C22orf31: variants seen among roughly 807,000 people sequenced by gnomAD.
C22orf31 encodes chromosome 22 open reading frame 31.
A neutral mutation model predicts 15.0 loss-of-function variants in C22orf31; 11 were observed. The ratio of observed to expected loss-of-function variants is 0.73; its 90% CI spans 0.46 to 1.21. The LOEUF (loss-of-function observed/expected upper bound fraction) is 1.21, where lower values mean the gene tolerates loss of function less well. C22orf31 is among the 50% of genes most tolerant of loss of function. The pLI, the probability that C22orf31 is intolerant of heterozygous loss-of-function variation, is 0.00. For missense variants in C22orf31, 340 were observed against 347.2 expected, an observed-to-expected ratio of 0.98 and a Z score of 0.17; for synonymous variants, 132 against 133.3, an observed-to-expected ratio of 0.99 and a Z score of 0.07.
chr22:29,060,386 C>G, intron 2 of C22orf31, 29 bp downstream of exon 2: 1 of 1,585,002 alleles, frequency 6.3e-7, no homozygotes. Context: ...TCGCCAGTCA[C>G]ATTTTCCCCA....
chr22:29,059,138 A>G lies in C22orf31; in HGVS notation c.477T>C (p.Asp159=). Residue 159 remains aspartate (D), a synonymous_variant, in exon 3 of 3, where the codon GAT becomes GAC. Transcript: ENST00000216071. ...SKEKKLTVRQ[D]LEDRYAEHVA... is the part of the protein sequence containing the mutation. ...CATGTTCAGCATATCTGTCCTCAAG[A>G]TCTTGGCGGACTGTTAGTTTTTTCT... 1 of 1,612,870 alleles carries G rather than the reference A, an allele frequency of 6.2e-7. No homozygotes were observed. Among genetic ancestry groups the G allele is most frequent in the South Asian group, 1.1e-5 (1 of 90,854 alleles).
the C22orf31 span, among the ~76,000 whole-genome samples, chr22:29,068,468 T>C: frequency 1.3e-5 from 2 of 148,664 alleles, no homozygotes; most frequent in Admixed American, 1.4e-4. Flanking sequence ...TGGAGTGCAG[T>C]AGTGTGATCT....
the C22orf31 span, among the ~76,000 whole-genome samples, chr22:29,071,051 C>T: frequency 6.6e-6 from 1 of 151,650 alleles, no homozygotes; most frequent in Non-Finnish European, 1.5e-5. Flanking sequence ...TGGGAGGGCA[C>T]AGAAGTCCTG....
intron 2 of C22orf31, chr22:29,059,580 T>C (rs147529572): frequency 4.0e-6 from 2 of 495,522 alleles, no homozygotes; most frequent in South Asian, 1.8e-4. Flanking sequence ...TTTAATATGA[T>C]AATATCAAGG....
Position 29,060,419 on chromosome 22 carries a change from C to G in C22orf31, c.428G>C (p.Arg143Thr), listed in dbSNP as rs199924261. 1.2e-6 allele frequency: 2 copies of G among 1,610,910 alleles called. No individual in the cohort carries two copies. The highest frequency in any genetic ancestry group is 2.7e-5 in the African/African-American group (2 of 74,792). The stretch of plus-strand genomic sequence containing the variant: ...CCACCACTGGTCCTCGTCTACCTCT[C>G]TGATGCCTCCTGCAGGCCTCCTATG... ...AGHRRPAGGI[R>T]ESKESSKEKK... is the part of the protein sequence containing the mutation. Residue 143 changes from arginine to threonine, a missense_variant, in exon 2 of 3, where the codon AGA (arginine) becomes ACA (threonine). Physicochemically the swap from Arg to Thr is moderately conservative, Grantham distance 71. Transcript: ENST00000216071.
At chr22:29,063,697 C>T (rs557915480), upstream of C22orf31, among the ~76,000 whole-genome samples, 22 of 152,314 alleles carry the variant, frequency 1.4e-4, no homozygotes, top group South Asian at 8.3e-4. Context: ...AGGCCAGGCA[C>T]TGTTCTAGCC....
chr22:29,061,687 G>C (rs770211889), intron 1 of C22orf31, 103 bp downstream of exon 1: 3 of 846,962 alleles, frequency 3.5e-6, no homozygotes, highest in Admixed American at 5.2e-5. Context: ...CATTTCCTGG[G>C]ACCAACTAAG....
At chr22:29,070,213 T>G in the C22orf31 span, among the ~76,000 whole-genome samples, 1 of 152,108 alleles carries the variant, frequency 6.6e-6, no homozygotes, top group African/African-American at 2.4e-5. Context: ...TCCCTAAATG[T>G]TGGGATTACA....
At chr22:29,065,041 A>G (rs927032998), upstream of C22orf31, among the ~76,000 whole-genome samples, 10 of 151,790 alleles carry the variant, frequency 6.6e-5, no homozygotes, top group African/African-American at 2.4e-4. Flanking sequence ...TTTAGCAGAG[A>G]TGGGGGTTTC....
rs139514182 is a variant in C22orf31 at position 29,060,541 on chromosome 22, C to G, written c.306G>C (p.Ser102=). The stretch of plus-strand genomic sequence containing the variant: ...AATCGTCCTTGTGCTTTAATCTCTT[C>G]GAGAGTTTTCCTTCTCCAAACTTGC... The part of the protein sequence containing the change: ...PPCKFGEGKL[S]KRLKHKDDSV... Residue 102 remains serine, a synonymous_variant, in exon 2 of 3, where the codon TCG becomes TCC. Coordinates refer to ENST00000216071, the MANE Select transcript of C22orf31 (RefSeq NM_015370.2). 1.2e-6 allele frequency: 2 copies of G among 1,613,966 alleles called. No individual in the cohort carries two copies. Among genetic ancestry groups the G allele is most frequent in the Non-Finnish European group, 8.5e-7 (1 of 1,180,032 alleles).
At chr22:29,069,332 A>G in the C22orf31 span, among the ~76,000 whole-genome samples, 3 of 152,222 alleles carry the variant, frequency 2.0e-5, no homozygotes, top group Admixed American at 2.0e-4. Flanking sequence ...CTCTTTCCAT[A>G]AAATGACTGC....
chr22:29,070,157 G>A, the C22orf31 span, among the ~76,000 whole-genome samples: 1 of 152,082 alleles, frequency 6.6e-6, no homozygotes, highest in Non-Finnish European at 1.5e-5. Flanking sequence ...ATGTTGGCCA[G>A]GCTGGTCTCA....
Position 29,058,961 on chromosome 22 carries a change from G to C in C22orf31, c.654C>G (p.His218Gln). 1 of 1,614,158 alleles carries C rather than the reference G, an allele frequency of 6.2e-7. No individual in the cohort carries two copies. The highest frequency in any genetic ancestry group is 1.3e-5 in the African/African-American group (1 of 75,048). The change falls in exon 3 of 3, where the codon CAC becomes CAG. Residue 218 changes from histidine (H) to glutamine (Q), a missense_variant. By Grantham distance (24) the His-to-Gln change is conservative. Coordinates refer to ENST00000216071, the MANE Select transcript of C22orf31 (RefSeq NM_015370.2). ...LPTEGYQALYHAVVEPMLWNP... is the reference protein window; with the variant it reads ...LPTEGYQALYQAVVEPMLWNP... ...TCCACAGCATTGGCTCCACCACAGCGTGGTACAGAGCCTGGTAACCCTCTG... is the reference window on the plus strand; with the variant it reads ...TCCACAGCATTGGCTCCACCACAGCCTGGTACAGAGCCTGGTAACCCTCTG...
At chr22:29,060,928 T>A in intron 1 of C22orf31, 85 bp from the exon 2 acceptor site, 1 of 1,125,990 alleles carries the variant, frequency 8.9e-7, no homozygotes, top group Non-Finnish European at 1.3e-6. Context: ...GGCAAAATAT[T>A]AACATCTTTT....
Position 29,059,172 on chromosome 22 carries a change from C to T in C22orf31, c.443G>A (p.Ser148Asn), listed in dbSNP as rs574570058. The T allele has an allele frequency of 1.2e-6, 2 of 1,604,980 alleles. No homozygotes were observed. Among genetic ancestry groups the T allele is most frequent in the South Asian group, 2.2e-5 (2 of 89,948 alleles). ...PAGGIRESKE[S>N]SKEKKLTVRQ... ...GACTGTTAGTTTTTTCTCCTTTGAA[C>T]TTTCTTTACTCTAGCCAGGAAGAAA... The change falls in exon 3 of 3, where the codon AGT (serine) becomes AAT (asparagine). Residue 148 changes from serine to asparagine, a missense_variant. By Grantham distance (46) the Ser-to-Asn change is conservative. Coordinates refer to ENST00000216071, the MANE Select transcript of C22orf31 (RefSeq NM_015370.2).
chr22:29,059,498 C>G (rs1425793390), intron 2 of C22orf31, among the ~76,000 whole-genome samples: 2 of 152,224 alleles, frequency 1.3e-5, no homozygotes, highest in Non-Finnish European at 2.9e-5. Context: ...CTGCCAGGCT[C>G]TGTTCAAAAG....
At chr22:29,059,671 G>T in intron 2 of C22orf31, 1 of 984,038 alleles carries the variant, frequency 1.0e-6, no homozygotes, top group South Asian at 4.7e-5. Flanking sequence ...TGGCCACCAC[G>T]GGGTAACATA....
At chr22:29,065,960 A>C (rs2037426464), upstream of C22orf31, among the ~76,000 whole-genome samples, 1 of 151,906 alleles carries the variant, frequency 6.6e-6, no homozygotes. Context: ...ACATATCTAA[A>C]CCACCGCTTC....
rs770845028 is a variant in C22orf31 at position 29,058,985 on chromosome 22, T to C, written c.630A>G (p.Thr210=). ...EDTLTIHGLP[T]EGYQALYHAV... is the part of the protein sequence containing the mutation. ...CGTGGTACAGAGCCTGGTAACCCTC[T>C]GTGGGGAGACCATGGATGGTTAGCG... Residue 210 remains threonine, a synonymous_variant, in exon 3 of 3, where the codon ACA becomes ACG. Coordinates refer to ENST00000216071, the MANE Select transcript of C22orf31 (RefSeq NM_015370.2). 6 of 1,614,076 alleles carry C rather than the reference T, an allele frequency of 3.7e-6. No homozygotes were observed. In the African/African-American group the frequency reaches 6.7e-5, roughly 18 times the overall value.
Sources: allele counts gnomAD v4.1 joint callset (sites outside exome capture counted in the v4.1 genomes callset), GRCh38; gene constraint gnomAD v4.1.1; transcripts MANE v1.5; gene names NCBI Gene and HGNC (gene_info 2026-07-23, HGNC 2026-07-21).